The following ANKRD44 variants were observed in gnomAD, a reference collection of about 807,000 sequenced individuals.
ANKRD44 encodes serine/threonine-protein phosphatase 6 regulatory ankyrin repeat subunit B.
ANKRD44 carries 35 observed loss-of-function variants against 116.0 expected under a neutral mutation model. The observed-to-expected ratio is 0.30, with a 90% CI of 0.23 to 0.40. ANKRD44 has a LOEUF of 0.40. Ranked by LOEUF, ANKRD44 falls within the 10% of genes least tolerant of loss-of-function variation. ANKRD44 has a pLI of 1.00. For synonymous variants in ANKRD44, 435 were observed against 461.8 expected (o/e 0.94, Z 0.74); for missense variants, 1,014 against 1,242.6 (o/e 0.82, Z 2.77).
intron 8 of ANKRD44, among the ~76,000 whole-genome samples, chr2:197,116,936 C>T (rs1270379453): frequency 6.6e-6 from 1 of 152,156 alleles, no homozygotes; most frequent in Non-Finnish European, 1.5e-5. Flanking sequence ...TAATGAACAT[C>T]AATAATAACA....
chr2:196,973,484 G>C (rs1471338084), intron 21 of ANKRD44, among the ~76,000 whole-genome samples: 1 of 151,900 alleles, frequency 6.6e-6, no homozygotes, highest in Non-Finnish European at 1.5e-5. Context: ...TCTGCTTACA[G>C]TATCTCCCCA....
intron 1 of ANKRD44, among the ~76,000 whole-genome samples, chr2:197,241,429 C>T (rs1203701581): frequency 2.0e-5 from 3 of 152,082 alleles, no homozygotes; most frequent in East Asian, 3.8e-4. Flanking sequence ...CTCTTGTTCA[C>T]CAGAACATCT....
intron 16 of ANKRD44, among the ~76,000 whole-genome samples, chr2:197,025,607 T>C (rs2076576844): frequency 1.3e-5 from 2 of 152,194 alleles, no homozygotes; most frequent in South Asian, 4.1e-4. Flanking sequence ...CCTGCTCTCA[T>C]GAAGCTTACA....
In ANKRD44 at chr2:196,999,072, A is replaced by G. The variant is rs761419423; in HGVS notation, c.2520-20T>C. On this transcript the variant is annotated intron_variant, in intron 23 of 27. Transcript: ENST00000282272. ...GGTGTCCTAAAGATTTAAAACAAGT[A>G]TCACTTTAGTTTCCTTTAAACTTTA... 6 of 1,612,484 alleles carry G rather than the reference A, an allele frequency of 3.7e-6. No individual in the cohort carries two copies. In the African/African-American group the frequency reaches 6.7e-5, roughly 18 times the overall value.
rs9679043 is a variant in ANKRD44 at position 197,139,654 on chromosome 2, T to G, written c.191-2992A>C. ...AGATATAGATATAGATATAGATATA[T>G]ATATAGCAAATATGGCAAAATATTA... is the stretch of plus-strand genomic sequence containing the variant. On this transcript the variant is annotated intron_variant, in intron 3 of 27. Coordinates refer to ENST00000282272, the MANE Select transcript of ANKRD44 (RefSeq NM_001195144.2). Among the ~76,000 whole-genome samples, 786 of 151,566 alleles carry G rather than the reference T, an allele frequency of 5.2e-3. 4 individuals are homozygous for G. Among genetic ancestry groups the G allele is most frequent in the African/African-American group, 0.018 (739 of 41,406 alleles).
intron 16 of ANKRD44, among the ~76,000 whole-genome samples, chr2:197,039,694 T>A (rs867294407): frequency 7.6e-6 from 1 of 130,730 alleles, no homozygotes; most frequent in Non-Finnish European, 1.6e-5. Flanking sequence ...TGTGTGTGTG[T>A]GTGTGTGTGT....
chr2:197,084,252 A>G (rs1476378138), intron 13 of ANKRD44, among the ~76,000 whole-genome samples: 1 of 152,114 alleles, frequency 6.6e-6, no homozygotes, highest in Non-Finnish European at 1.5e-5. Flanking sequence ...TTTCTGGATC[A>G]TGTCCCTACA....
rs545489700 is a variant in ANKRD44, at chr2:197,001,023, G to A, written c.2436-521C>T. Among the ~76,000 whole-genome samples the A allele has an allele frequency of 1.4e-4, 22 of 152,384 alleles. No individual in the cohort carries two copies. In the South Asian group the frequency reaches 4.6e-3, roughly 32 times the overall value. ...ACTGCTCTCCAGCCTAGGCGACAGA[G>A]CGAGACTCCGTCTCAAAAAACAAAA... On this transcript the variant is annotated intron_variant, in intron 22 of 27. Coordinates refer to ENST00000282272, the MANE Select transcript of ANKRD44 (RefSeq NM_001195144.2).
At chr2:197,087,631 AC>A (rs2077956684) in intron 12 of ANKRD44, among the ~76,000 whole-genome samples, 2 of 152,162 alleles carry the variant, frequency 1.3e-5, no homozygotes, top group Non-Finnish European at 2.9e-5. Flanking sequence ...GGCTCTCCTC[AC>A]CCCACACCCA....
intron 1 of ANKRD44, among the ~76,000 whole-genome samples, chr2:197,306,034 G>A (rs2084064489): frequency 6.7e-6 from 1 of 148,564 alleles, no homozygotes; most frequent in Non-Finnish European, 1.5e-5. Flanking sequence ...TCACCGGGGT[G>A]AGGAAATGGA....
intron 1 of ANKRD44, among the ~76,000 whole-genome samples, chr2:197,233,034 A>G (rs11902332): frequency 0.16 from 24,045 of 152,228 alleles, 2,423 homozygotes; most frequent in African/African-American, 0.29. Flanking sequence ...TGGTAACTGT[A>G]CAAAATATGG....
At chr2:197,026,923 C>T (rs752229270) in intron 16 of ANKRD44, among the ~76,000 whole-genome samples, 3 of 151,926 alleles carry the variant, frequency 2.0e-5, no homozygotes, top group Non-Finnish European at 2.9e-5. Context: ...CCAAGGATGA[C>T]GCCCAGTTTT....
chr2:197,304,295 C>T (rs535485985), intron 1 of ANKRD44, among the ~76,000 whole-genome samples: 2 of 152,264 alleles, frequency 1.3e-5, no homozygotes, highest in Admixed American at 1.3e-4. Flanking sequence ...GCCTGGGAAA[C>T]AGAGCGAGAC....
intron 2 of ANKRD44, among the ~76,000 whole-genome samples, chr2:197,168,452 C>T (rs2080150489): frequency 6.6e-6 from 1 of 152,156 alleles, no homozygotes; most frequent in Admixed American, 6.5e-5. Context: ...TTAAAATATA[C>T]AGGGGACTCT....
chr2:197,151,104 C>T (rs2079636436), intron 2 of ANKRD44, among the ~76,000 whole-genome samples: 2 of 126,034 alleles, frequency 1.6e-5, no homozygotes, highest in African/African-American at 6.2e-5. Flanking sequence ...AATCCAGGAA[C>T]TTTCAAGTTG....
intron 8 of ANKRD44, among the ~76,000 whole-genome samples, chr2:197,115,332 T>C (rs1459091985): frequency 6.6e-6 from 1 of 152,212 alleles, no homozygotes; most frequent in Admixed American, 6.5e-5. Context: ...TACAATGTAG[T>C]CTCTAATGGA....
intron 3 of ANKRD44, among the ~76,000 whole-genome samples, chr2:197,145,861 T>C (rs748458171): frequency 1.4e-4 from 22 of 152,190 alleles, no homozygotes; most frequent in Non-Finnish European, 2.4e-4. Context: ...AAACTTACTA[T>C]AGGCCTTTTG....
At chr2:197,161,545 A>C (rs1160726598) in intron 2 of ANKRD44, among the ~76,000 whole-genome samples, 1 of 152,138 alleles carries the variant, frequency 6.6e-6, no homozygotes, top group African/African-American at 2.4e-5. Context: ...AAAAATCTCA[A>C]ATACTCATAT....
intron 21 of ANKRD44, among the ~76,000 whole-genome samples, chr2:196,968,789 C>T (rs561086976): frequency 1.3e-5 from 2 of 152,322 alleles, no homozygotes; most frequent in South Asian, 4.1e-4. Context: ...ATCATCTTAA[C>T]TATTGCCACA....
Sources: allele counts gnomAD v4.1 joint callset (sites outside exome capture counted in the v4.1 genomes callset), GRCh38; gene constraint gnomAD v4.1.1; transcripts MANE v1.5; gene names NCBI Gene and HGNC (gene_info 2026-07-23, HGNC 2026-07-21).